SLC10A7: variants seen among roughly 807,000 people sequenced by gnomAD.
SLC10A7 encodes the protein sodium/bile acid cotransporter 7.
Under a neutral mutation model 43.2 loss-of-function variants are expected in SLC10A7, and 29 were observed. The observed-to-expected ratio is 0.67, with a 90% CI of 0.50 to 0.92. The LOEUF (loss-of-function observed/expected upper bound fraction) is 0.92. Ranked by LOEUF, SLC10A7 falls within the 40% of genes least tolerant of loss-of-function variation. SLC10A7 has a pLI of 0.00. For missense variants in SLC10A7, 295 were observed against 403.2 expected (o/e 0.73, Z 2.30); for synonymous variants, 152 against 144.8 (o/e 1.05, Z -0.35).
intron 5 of SLC10A7, among the ~76,000 whole-genome samples, chr4:146,424,596 G>A (rs1729191906): frequency 6.6e-6 from 1 of 151,696 alleles, no homozygotes; most frequent in African/African-American, 2.4e-5. Flanking sequence ...GGAGACAGAG[G>A]TTACATTGAG....
chr4:146,465,546 G>GA (rs796389534), intron 4 of SLC10A7, among the ~76,000 whole-genome samples: 4 of 151,974 alleles, frequency 2.6e-5, no homozygotes, highest in African/African-American at 9.6e-5. Context: ...TATTTTATTA[G>GA]AAAAAAAGAT....
At chr4:146,440,861 C>T (rs954577541) in intron 5 of SLC10A7, among the ~76,000 whole-genome samples, 1 of 152,272 alleles carries the variant, frequency 6.6e-6, no homozygotes, top group Non-Finnish European at 1.5e-5. Flanking sequence ...ATTTCCTCTC[C>T]TCTCTCCTTT....
chr4:146,344,665 GGA>G (rs1347998377), intron 5 of SLC10A7, among the ~76,000 whole-genome samples: 1 of 151,902 alleles, frequency 6.6e-6, no homozygotes, highest in African/African-American at 2.4e-5. Flanking sequence ...GTTATATAGT[GGA>G]GTTTTCCAGA....
At chr4:146,259,833 A>G (rs1578725181) in intron 10 of SLC10A7, among the ~76,000 whole-genome samples, 3 of 152,364 alleles carry the variant, frequency 2.0e-5, no homozygotes, top group Non-Finnish European at 4.4e-5. Flanking sequence ...CAGAAGTGCT[A>G]TGTATGTATC....
intron 4 of SLC10A7, among the ~76,000 whole-genome samples, chr4:146,474,634 G>A (rs1733876517): frequency 6.6e-6 from 1 of 151,976 alleles, no homozygotes; most frequent in Non-Finnish European, 1.5e-5. Context: ...CTAAAGGGTG[G>A]TAAAGAAGGC....
At chr4:146,311,760 A>T (rs527384518) in intron 6 of SLC10A7, among the ~76,000 whole-genome samples, 3 of 152,232 alleles carry the variant, frequency 2.0e-5, no homozygotes, top group Admixed American at 2.0e-4. Flanking sequence ...GGAAAGGGAA[A>T]GGGAAGAAGG....
chr4:146,311,304 A>G (rs1398290774), intron 6 of SLC10A7, among the ~76,000 whole-genome samples: 1 of 152,126 alleles, frequency 6.6e-6, no homozygotes, highest in Non-Finnish European at 1.5e-5. Flanking sequence ...TTCTTGATGA[A>G]GAGATGTTGA....
intron 5 of SLC10A7, among the ~76,000 whole-genome samples, chr4:146,441,414 C>G (rs1730590841): frequency 6.6e-6 from 1 of 152,156 alleles, no homozygotes; most frequent in Non-Finnish European, 1.5e-5. Flanking sequence ...TTTAGTCACT[C>G]AGACAATTGT....
intron 9 of SLC10A7, among the ~76,000 whole-genome samples, chr4:146,285,764 G>A (rs919385174): frequency 1.3e-5 from 2 of 152,212 alleles, no homozygotes; most frequent in African/African-American, 4.8e-5. Flanking sequence ...GTAGTGGTGA[G>A]AAGGACTGAG....
At chr4:146,277,254 G>C (rs72948698) in intron 10 of SLC10A7, among the ~76,000 whole-genome samples, 146 of 152,272 alleles carry the variant, frequency 9.6e-4, no homozygotes, top group African/African-American at 3.2e-3. Context: ...GGTCAAGCTG[G>C]AGATCTTTCA....
At chr4:146,506,833 T>C (rs189727480) in intron 3 of SLC10A7, among the ~76,000 whole-genome samples, 8 of 152,312 alleles carry the variant, frequency 5.3e-5, no homozygotes, top group Admixed American at 5.2e-4. Context: ...AGGAATACTT[T>C]CAAGTTTATA....
chr4:146,359,560 A>C (rs1487546093), intron 5 of SLC10A7, among the ~76,000 whole-genome samples: 2 of 152,078 alleles, frequency 1.3e-5, no homozygotes, highest in Non-Finnish European at 2.9e-5. Flanking sequence ...TTCACAGAGG[A>C]AGTGTAAAGG....
chr4:146,519,686 T>C (rs2150065919), intron 1 of SLC10A7, among the ~76,000 whole-genome samples: 1 of 152,288 alleles, frequency 6.6e-6, no homozygotes, highest in South Asian at 2.1e-4. Context: ...GGAATCTGGC[T>C]TGCTTGGGAA....
chr4:146,379,491 G>A (rs1579038374), intron 5 of SLC10A7, among the ~76,000 whole-genome samples: 1 of 152,144 alleles, frequency 6.6e-6, no homozygotes, highest in East Asian at 1.9e-4. Flanking sequence ...TAAGACTAAT[G>A]TATATTCAAA....
At chr4:146,335,848 CTT>C (rs2149720017) in intron 5 of SLC10A7, among the ~76,000 whole-genome samples, 1 of 152,134 alleles carries the variant, frequency 6.6e-6, no homozygotes, top group Non-Finnish European at 1.5e-5. Context: ...TATTTACTCT[CTT>C]TGTTGTCTTA....
At chr4:146,487,238 G>A (rs1227726699) in intron 4 of SLC10A7, among the ~76,000 whole-genome samples, 8 of 152,156 alleles carry the variant, frequency 5.3e-5, no homozygotes, top group Non-Finnish European at 1.2e-4. Context: ...ACCAGGACCC[G>A]TGAGCCTGAC....
chr4:146,409,011 A>C (rs1162683240), intron 5 of SLC10A7, among the ~76,000 whole-genome samples: 1 of 152,182 alleles, frequency 6.6e-6, no homozygotes, highest in East Asian at 1.9e-4. Flanking sequence ...GGTTATAGTT[A>C]TTAAAAAACA....
chr4:146,349,286 A>C (rs1273312346), intron 5 of SLC10A7, among the ~76,000 whole-genome samples: 1 of 152,238 alleles, frequency 6.6e-6, no homozygotes, highest in Admixed American at 6.5e-5. Flanking sequence ...ATTATCAAAG[A>C]AATGCAAATC....
intron 5 of SLC10A7, among the ~76,000 whole-genome samples, chr4:146,415,288 G>A (rs1043338683): frequency 1.1e-4 from 17 of 152,140 alleles, no homozygotes; most frequent in African/African-American, 3.9e-4. Flanking sequence ...CTGGATTCTG[G>A]CTGTGGTTCT....
Sources: allele counts gnomAD v4.1 joint callset (sites outside exome capture counted in the v4.1 genomes callset), GRCh38; gene constraint gnomAD v4.1.1; transcripts MANE v1.5; gene names NCBI Gene and HGNC (gene_info 2026-07-23, HGNC 2026-07-21).